The following PTPRT variants were observed in gnomAD, a reference collection of about 807,000 sequenced individuals.
PTPRT encodes the protein receptor-type tyrosine-protein phosphatase T.
PTPRT carries 56 observed loss-of-function variants against 176.8 expected under a neutral mutation model. That is an observed-to-expected ratio of 0.32 (90% CI 0.26 to 0.40). The LOEUF (loss-of-function observed/expected upper bound fraction) is 0.40. PTPRT is among the 10% of genes least tolerant of loss of function. The probability of loss-of-function intolerance (pLI) is 1.00; values close to 1 mark genes in which losing one functional copy is unlikely to be tolerated. For missense variants in PTPRT, 1,540 were observed against 1,908.2 expected (o/e 0.81, Z 3.60); for synonymous variants, 783 against 739.0 (o/e 1.06, Z -0.96).
At chr20:42,731,332 T>G (rs1394427605) in intron 6 of PTPRT, among the ~76,000 whole-genome samples, 1 of 152,192 alleles carries the variant, frequency 6.6e-6, no homozygotes, top group Non-Finnish European at 1.5e-5. Context: ...CACTTGTCAT[T>G]ACAGCAATTC....
At chr20:42,614,519 C>T (rs4508660) in intron 7 of PTPRT, among the ~76,000 whole-genome samples, 31,859 of 151,766 alleles carry the variant, frequency 0.21, 4,559 homozygotes, top group African/African-American at 0.41. Context: ...CAGTGTCAGC[C>T]GAGCTAACAC....
intron 3 of PTPRT, among the ~76,000 whole-genome samples, chr20:42,783,265 C>T (rs1405434873): frequency 6.6e-6 from 1 of 151,952 alleles, no homozygotes; most frequent in South Asian, 2.1e-4. Flanking sequence ...TAGCAAAAAT[C>T]TAAAACAAAA....
intron 7 of PTPRT, among the ~76,000 whole-genome samples, chr20:42,639,951 C>T (rs2074701620): frequency 6.6e-6 from 1 of 152,072 alleles, no homozygotes; most frequent in Admixed American, 6.6e-5. Flanking sequence ...TCCCCCCAAC[C>T]CGAATGAAGC....
chr20:42,371,654 G>A (rs2058588380), intron 9 of PTPRT, among the ~76,000 whole-genome samples: 1 of 152,138 alleles, frequency 6.6e-6, no homozygotes, highest in Admixed American at 6.5e-5. Context: ...TCAGTGCCCA[G>A]GGCTGTTCTC....
intron 6 of PTPRT, among the ~76,000 whole-genome samples, chr20:42,711,280 T>G (rs759244779): frequency 1.3e-5 from 2 of 152,110 alleles, no homozygotes; most frequent in Admixed American, 6.5e-5. Context: ...TGGAATGATA[T>G]AGTTTGAATG....
chr20:42,796,560 A>G lies in PTPRT; in HGVS notation c.215-5094T>C, dbSNP rs112291010. Among the ~76,000 whole-genome samples the G allele has an allele frequency of 3.2e-3, 493 of 152,370 alleles. 5 individuals are homozygous for G. Among genetic ancestry groups the G allele is most frequent in the African/African-American group, 0.011 (458 of 41,590 alleles). ...ACTCCGATTTCAGTTTCTACCGCAGACAACTCTGCCGTTCCTTGCCCGAGC... is the reference window on the plus strand; with the variant it reads ...ACTCCGATTTCAGTTTCTACCGCAGGCAACTCTGCCGTTCCTTGCCCGAGC... On this transcript the variant is annotated intron_variant, in intron 2 of 30. Transcript: ENST00000373187.
intron 7 of PTPRT, among the ~76,000 whole-genome samples, chr20:42,572,516 C>T (rs2073174329): frequency 2.0e-5 from 3 of 152,090 alleles, no homozygotes; most frequent in African/African-American, 7.2e-5. Context: ...CTGGAATGCT[C>T]TCCTCACATT....
At chr20:42,093,154 G>A (rs1461972113) in intron 27 of PTPRT, among the ~76,000 whole-genome samples, 2 of 152,134 alleles carry the variant, frequency 1.3e-5, no homozygotes, top group Non-Finnish European at 2.9e-5. Context: ...AAACAGTATG[G>A]TGAGTATGGC....
intron 2 of PTPRT, among the ~76,000 whole-genome samples, chr20:42,873,807 G>C (rs1380085163): frequency 6.6e-6 from 1 of 152,132 alleles, no homozygotes; most frequent in Admixed American, 6.5e-5. Context: ...GACCTCAATG[G>C]ATTACTGGAT....
chr20:42,428,446 G>C (rs537927820), intron 9 of PTPRT, among the ~76,000 whole-genome samples: 17 of 152,328 alleles, frequency 1.1e-4, no homozygotes, highest in African/African-American at 3.8e-4. Context: ...AGATGTAAGA[G>C]ACGAAATTCT....
chr20:42,507,852 A>C, intron 7 of PTPRT, among the ~76,000 whole-genome samples: 1 of 142,360 alleles, frequency 7.0e-6, no homozygotes, highest in African/African-American at 2.6e-5. Context: ...TACTCACAGG[A>C]CTTTTTTTTT....
At chr20:42,343,966 C>T (rs1219074894) in intron 11 of PTPRT, among the ~76,000 whole-genome samples, 1 of 152,242 alleles carries the variant, frequency 6.6e-6, no homozygotes, top group African/African-American at 2.4e-5. Flanking sequence ...GTGGTGTGAT[C>T]TCAGCTCACT....
chr20:42,887,642 G>A (rs994404326), intron 1 of PTPRT, among the ~76,000 whole-genome samples: 1 of 152,170 alleles, frequency 6.6e-6, no homozygotes, highest in Non-Finnish European at 1.5e-5. Flanking sequence ...GATTTCCTCT[G>A]GATAGTGGTG....
chr20:42,923,651 T>C (rs909830669), intron 1 of PTPRT, among the ~76,000 whole-genome samples: 2 of 152,182 alleles, frequency 1.3e-5, no homozygotes, highest in African/African-American at 4.8e-5. Flanking sequence ...ACAGGGCAGA[T>C]GACTTAACAA....
rs145351027 is a variant in PTPRT at position 42,140,444 on chromosome 20, C to T, written c.2770+1471G>A. Among the ~76,000 whole-genome samples, 61 of 152,292 alleles carry T rather than the reference C, an allele frequency of 4.0e-4. No individual in the cohort carries two copies. In the East Asian group the frequency reaches 9.6e-3, roughly 24 times the overall value. On this transcript the variant is annotated intron_variant, in intron 18 of 30. Transcript: ENST00000373187. ...TATTTTACTTTGAAGGCTGTACCTA[C>T]GAATATTTGGCAGTGACAATACTTG...
At chr20:42,704,157 T>C (rs2076016238) in intron 6 of PTPRT, among the ~76,000 whole-genome samples, 1 of 152,174 alleles carries the variant, frequency 6.6e-6, no homozygotes, top group Non-Finnish European at 1.5e-5. Context: ...GCTTTAATCT[T>C]GCTCTACTAT....
chr20:42,707,146 T>C (rs1426047578), intron 6 of PTPRT, among the ~76,000 whole-genome samples: 1 of 152,188 alleles, frequency 6.6e-6, no homozygotes, highest in Non-Finnish European at 1.5e-5. Flanking sequence ...GAACTGTGAG[T>C]GAATAAATTT....
chr20:42,899,426 C>T (rs539337188), intron 1 of PTPRT, among the ~76,000 whole-genome samples: 31 of 152,332 alleles, frequency 2.0e-4, no homozygotes, highest in Non-Finnish European at 4.1e-4. Flanking sequence ...GCTGTTCCCC[C>T]ATGGAACACT....
chr20:42,564,129 C>T (rs1348595846), intron 7 of PTPRT, among the ~76,000 whole-genome samples: 1 of 152,186 alleles, frequency 6.6e-6, no homozygotes, highest in Non-Finnish European at 1.5e-5. Context: ...CAGGGTAACC[C>T]CTAACTGCAA....
Sources: allele counts gnomAD v4.1 joint callset (sites outside exome capture counted in the v4.1 genomes callset), GRCh38; gene constraint gnomAD v4.1.1; transcripts MANE v1.5; gene names NCBI Gene and HGNC (gene_info 2026-07-23, HGNC 2026-07-21).